The following NUDCD2 variants were observed in gnomAD, a reference collection of about 807,000 sequenced individuals.
The protein encoded by NUDCD2 is nudC domain-containing protein 2.
NUDCD2 carries 16 observed loss-of-function variants against 20.8 expected under a neutral mutation model. The observed-to-expected ratio is 0.77, with a 90% CI of 0.52 to 1.17. NUDCD2 has a LOEUF of 1.17. NUDCD2 is among the 50% of genes most tolerant of loss of function. The pLI, the probability that NUDCD2 is intolerant of heterozygous loss-of-function variation, is 0.00. For missense variants in NUDCD2, 199 were observed against 193.9 expected (o/e 1.03, Z -0.16); for synonymous variants, 87 against 72.8 (o/e 1.20, Z -1.00).
At chr5:163,455,717 T>C (rs975150325) in intron 3 of NUDCD2, among the ~76,000 whole-genome samples, 3 of 141,564 alleles carry the variant, frequency 2.1e-5, no homozygotes, top group African/African-American at 8.1e-5. Context: ...TCAGCAGAGA[T>C]CGCACCACTC....
At chr5:163,455,285 G>T (rs1294203384) in intron 3 of NUDCD2, among the ~76,000 whole-genome samples, 1 of 152,222 alleles carries the variant, frequency 6.6e-6, no homozygotes, top group Non-Finnish European at 1.5e-5. Flanking sequence ...GATAGCAAAG[G>T]GATGGGCTGA....
intron 3 of NUDCD2, among the ~76,000 whole-genome samples, chr5:163,456,624 C>G (rs1333787938): frequency 6.6e-6 from 1 of 152,084 alleles, no homozygotes; most frequent in African/African-American, 2.4e-5. Context: ...GGGCCTTTCA[C>G]TTTTTACACT....
At chr5:163,456,775 CAAGA>C (rs1015331195) in intron 3 of NUDCD2, among the ~76,000 whole-genome samples, 150 bp downstream of exon 3, 4 of 152,140 alleles carry the variant, frequency 2.6e-5, no homozygotes, top group Admixed American at 6.5e-5. Context: ...CAAATCCATA[CAAGA>C]AAGGCCATTT....
At position 163,451,647 on chromosome 5, in the gene NUDCD2, G is replaced by A. The variant is rs935773138; in HGVS notation, c.*2320C>T. 2 of 152,162 alleles carry A rather than the reference G, an allele frequency of 1.3e-5. No homozygotes were observed. The highest frequency in any genetic ancestry group is 1.3e-4 in the Admixed American group (2 of 15,286). The allele number at this position is 152,162 out of a possible 1,614,324, so 9.4% of individuals were successfully genotyped here. A position where few individuals can be genotyped will look rare whatever the true frequency, so the allele number is the denominator to read the frequency against. ...AATCACAGGGTGAATGGACTGCCAT[G>A]GCCTGGAGTGAGGTATTAGGGTCCA... On this transcript the variant is annotated 3_prime_UTR_variant, in exon 4 of 4. Transcript: ENST00000302764.
rs1758073015 is a variant in NUDCD2, at chr5:163,447,638, C to A, written c.*6329G>T. The A allele has an allele frequency of 6.6e-6, 1 of 152,182 alleles. No individual in the cohort carries two copies. Among genetic ancestry groups the A allele is most frequent in the African/African-American group, 2.4e-5 (1 of 41,540 alleles). The allele number at this position is 152,182 out of a possible 1,614,324, so 9.4% of individuals were successfully genotyped here. The stretch of plus-strand genomic sequence containing the variant: ...ATTTAATTGACATAAAACCCTTCTA[C>A]CTAAAACAGCAGAATAAGCATTCTT... On this transcript the variant is annotated 3_prime_UTR_variant, in exon 4 of 4. Transcript: ENST00000302764.
intron 3 of NUDCD2, among the ~76,000 whole-genome samples, chr5:163,455,689 G>A (rs938775604): frequency 2.0e-5 from 3 of 151,124 alleles, no homozygotes; most frequent in South Asian, 2.1e-4. Flanking sequence ...GCGGGAATCC[G>A]GGAGGCGGAG....
rs1195414783 is a variant in NUDCD2, at chr5:163,459,921, G to A, written c.130C>T (p.Gln44Ter). 1.2e-6 allele frequency: 2 copies of A among 1,613,012 alleles called. No individual in the cohort carries two copies. The highest frequency in any genetic ancestry group is 1.7e-6 in the Non-Finnish European group (2 of 1,179,746). Residue 44 changes from glutamine (Q) to a stop codon, truncating the protein, a stop_gained, in exon 1 of 4, where the codon CAG (glutamine) becomes TAG (stop). Coordinates refer to ENST00000302764, the MANE Select transcript of NUDCD2 (RefSeq NM_145266.6). LOFTEE classifies it high-confidence loss of function. Reference sequence around the variant, plus strand: ...ACATGCCGGCTCTGGAGGCCGCACTGGATATCCTGGGCGCGCGTGCCTGGC... The same window carrying A: ...ACATGCCGGCTCTGGAGGCCGCACTAGATATCCTGGGCGCGCGTGCCTGGC... ...VPPGTRAQDIQCGLQSRHVAL... is the reference protein window; with the variant it reads ...VPPGTRAQDI
intron 1 of NUDCD2, among the ~76,000 whole-genome samples, chr5:163,458,019 C>T (rs751080706): frequency 1.0e-3 from 102 of 98,758 alleles, no homozygotes; most frequent in Non-Finnish European, 1.6e-3. Context: ...GACAGAGTTT[C>T]GCTCTGTCGC....
rs1406550249 is a variant in NUDCD2 at position 163,446,953 on chromosome 5, A to AC, written c.*7013dup. 6.6e-6 allele frequency: 1 copy of AC among 152,210 alleles called. No homozygotes were observed. The highest frequency in any genetic ancestry group is 2.4e-5 in the African/African-American group (1 of 41,454). 9.4% of individuals were successfully genotyped at this position (152,210 alleles called of 1,614,324 possible). On this transcript the variant is annotated 3_prime_UTR_variant, in exon 4 of 4. Transcript: ENST00000302764. ...TTGCTTGAACCTGTGAGGCAGTGAG[A>AC]CAAGATCACACCACTGCTCTCCAAC...
intron 1 of NUDCD2, among the ~76,000 whole-genome samples, chr5:163,457,828 C>T (rs1210830723): frequency 1.3e-5 from 2 of 152,038 alleles, no homozygotes; most frequent in Non-Finnish European, 2.9e-5. Context: ...ACACAGAGCT[C>T]TCTAAAGAAA....
intron 3 of NUDCD2, 125 bp downstream of exon 3, chr5:163,456,804 T>G: frequency 1.3e-6 from 1 of 784,850 alleles, no homozygotes; most frequent in Admixed American, 3.6e-5. Flanking sequence ...AACAATTCAC[T>G]TTAAAAATTC....
At chr5:163,459,779 G>A in intron 1 of NUDCD2, 83 bp downstream of exon 1, 1 of 1,266,890 alleles carries the variant, frequency 7.9e-7, no homozygotes, top group Non-Finnish European at 1.1e-6. Flanking sequence ...GGAGCCGTCG[G>A]GACACCCAAC....
At position 163,457,039 on chromosome 5, in the gene NUDCD2, T is replaced by C; in HGVS notation, c.280A>G (p.Arg94Gly). ...MVRIVLTKTK[R>G]DAANCWTSLL... ...GAAGTCCAACAATTTGCTGCATCTC[T>C]CTTTGTCTTTGTAAGAACAATACGA... The change falls in exon 3 of 4, where the codon AGA becomes GGA. Residue 94 changes from arginine to glycine, a missense_variant. Arg to Gly is a moderately radical substitution (Grantham distance 125). Coordinates refer to ENST00000302764, the MANE Select transcript of NUDCD2 (RefSeq NM_145266.6). 1 of 1,613,242 alleles carries C rather than the reference T, an allele frequency of 6.2e-7. No homozygotes were observed. The highest frequency in any genetic ancestry group is 8.5e-7 in the Non-Finnish European group (1 of 1,179,728).
intron 3 of NUDCD2, among the ~76,000 whole-genome samples, chr5:163,454,846 T>TG (rs1319009193): frequency 6.6e-6 from 1 of 150,472 alleles, no homozygotes; most frequent in East Asian, 1.9e-4. Flanking sequence ...AATTCAAGAG[T>TG]GAAAAAAAAC....
chr5:163,456,389 C>A (rs996504862), intron 3 of NUDCD2, among the ~76,000 whole-genome samples: 13 of 152,062 alleles, frequency 8.5e-5, no homozygotes, highest in Admixed American at 5.2e-4. Context: ...GATGACACAT[C>A]CAAACTACAG....
In NUDCD2 at chr5:163,451,871, T is replaced by G. The variant is rs921024310; in HGVS notation, c.*2096A>C. On this transcript the variant is annotated 3_prime_UTR_variant, in exon 4 of 4. Transcript: ENST00000302764. ...GAGTTCGAGACCAGCCTGACCAACATGGAGAAACCCCGTCTCTACCAAAAA... is the reference window on the plus strand; with the variant it reads ...GAGTTCGAGACCAGCCTGACCAACAGGGAGAAACCCCGTCTCTACCAAAAA... 1 of 152,224 alleles carries G rather than the reference T, an allele frequency of 6.6e-6. No individual in the cohort carries two copies. The highest frequency in any genetic ancestry group is 6.5e-5 in the Admixed American group (1 of 15,268). The allele number at this position is 152,224 out of a possible 1,614,324, so 9.4% of individuals were successfully genotyped here.
rs1446913825 is a variant in NUDCD2 at position 163,451,108 on chromosome 5, A to G, written c.*2859T>C. ...GGAAATCTATGAGATGAAAAGAGGT[A>G]GTATGGATGGCGGGGGATGACAGGA... On this transcript the variant is annotated 3_prime_UTR_variant, in exon 4 of 4. Coordinates refer to ENST00000302764, the MANE Select transcript of NUDCD2 (RefSeq NM_145266.6). 1 of 152,222 alleles carries G rather than the reference A, an allele frequency of 6.6e-6. No individual in the cohort carries two copies. Among genetic ancestry groups the G allele is most frequent in the Non-Finnish European group, 1.5e-5 (1 of 68,044 alleles). The allele number at this position is 152,222 out of a possible 1,614,324, so 9.4% of individuals were successfully genotyped here.
intron 2 of NUDCD2, 42 bp downstream of exon 2, chr5:163,457,520 C>CA: frequency 8.5e-7 from 1 of 1,174,642 alleles, no homozygotes. Context: ...GATATCAAGA[C>CA]AAAATTATTT....
At position 163,453,840 on chromosome 5, in the gene NUDCD2, C is replaced by A. The variant is rs1021582159; in HGVS notation, c.*127G>T. ...TATGTTTGAATGCAATTTTTAGAAC[C>A]ATTTTAAGATACATTTTGCAATCTG... On this transcript the variant is annotated 3_prime_UTR_variant, in exon 4 of 4. Transcript: ENST00000302764. 6.7e-6 allele frequency: 3 copies of A among 448,766 alleles called. No individual in the cohort carries two copies. Among genetic ancestry groups the A allele is most frequent in the Admixed American group, 8.1e-5 (2 of 24,810 alleles). 27.8% of individuals were successfully genotyped at this position (448,766 alleles called of 1,614,324 possible). A position where few individuals can be genotyped will look rare whatever the true frequency, so the allele number is the denominator to read the frequency against.
Sources: gnomAD v4.1 joint callset for allele counts (sites outside exome capture counted in the v4.1 genomes callset) on GRCh38, gnomAD v4.1.1 for gene constraint, MANE v1.5 for transcripts, NCBI Gene and HGNC (gene_info 2026-07-23, HGNC 2026-07-21) for gene names.